ADGRG4: variants seen among roughly 807,000 people sequenced by gnomAD.
The protein encoded by ADGRG4 is adhesion G protein-coupled receptor G4, also known as G protein-coupled receptor 112.
Under a neutral mutation model 126.2 loss-of-function variants are expected in ADGRG4, and 122 were observed. The observed-to-expected ratio is 0.97, with a 90% confidence interval of 0.83 to 1.12. ADGRG4 has a LOEUF of 1.12. Ranked by LOEUF, ADGRG4 falls within the 50% of genes most tolerant of loss-of-function variation. The probability of loss-of-function intolerance (pLI) is 0.00; values close to 1 mark genes in which losing one functional copy is unlikely to be tolerated. For missense variants in ADGRG4, 2,481 were observed against 2,251.8 expected (o/e 1.10, Z -2.06); for synonymous variants, 943 against 838.7 (o/e 1.12, Z -2.15).
chrX:136,329,202 C>T (rs2074893372), intron 5 of ADGRG4, among the ~76,000 whole-genome samples: 1 of 111,557 alleles, frequency 9.0e-6, no homozygotes, highest in Non-Finnish European at 1.9e-5. Context: ...GAAAGAAAAA[C>T]CAGATGTGAC....
chrX:136,349,208 A>T lies in ADGRG4; in HGVS notation c.5502A>T (p.Thr1834=). The T allele has an allele frequency of 8.3e-7, 1 of 1,206,332 alleles. No homozygotes were observed. The change falls in exon 6 of 26, where the codon ACA becomes ACT. Residue 1834 remains threonine (T), a synonymous_variant. Coordinates refer to ENST00000394143, the MANE Select transcript of ADGRG4 (RefSeq NM_153834.4). ...TPSSATLPSL[T]SFVYSPHSTE... Reference sequence around the variant, plus strand: ...CCAGTGCAACTCTACCCTCTTTGACATCATTTGTTTATTCACCTCATAGTA... The same window carrying T: ...CCAGTGCAACTCTACCCTCTTTGACTTCATTTGTTTATTCACCTCATAGTA...
chrX:136,321,147 G>A (rs1439792084), intron 4 of ADGRG4, among the ~76,000 whole-genome samples: 1 of 111,786 alleles, frequency 8.9e-6, no homozygotes, highest in Non-Finnish European at 1.9e-5. Flanking sequence ...TTATTGTCTT[G>A]TGGGATTAAC....
chrX:136,382,807 C>A (rs1275929191), intron 15 of ADGRG4, among the ~76,000 whole-genome samples: 1 of 110,536 alleles, frequency 9.0e-6, no homozygotes, highest in Non-Finnish European at 1.9e-5. Context: ...TAGGAGGAAC[C>A]CAAAGTGTCC....
intron 19 of ADGRG4, among the ~76,000 whole-genome samples, chrX:136,397,385 A>G (rs1030031451): frequency 2.7e-5 from 3 of 109,873 alleles, no homozygotes; most frequent in Non-Finnish European, 5.7e-5. Flanking sequence ...TTTACATGTC[A>G]TTTCAGATCT....
chrX:136,348,504 A>G lies in ADGRG4; in HGVS notation c.4798A>G (p.Thr1600Ala). The change falls in exon 6 of 26, where the codon ACT (threonine) becomes GCT (alanine). Residue 1600 changes from threonine (T) to alanine (A), a missense_variant. Physicochemically the swap from Thr to Ala is moderately conservative, Grantham distance 58 (BLOSUM62 0). Transcript: ENST00000394143. ...ATTGTCTTCAGTTACCCCCAGGACT[A>G]CTATGACCATGCAAACATCTACATT... is the stretch of plus-strand genomic sequence containing the variant. ...TLLSSVTPRT[T>A]MTMQTSTLDV... 1 of 1,209,503 alleles carries G rather than the reference A, an allele frequency of 8.3e-7. No individual in the cohort carries two copies. Among genetic ancestry groups the G allele is most frequent in the Non-Finnish European group, 1.1e-6 (1 of 893,724 alleles).
rs369619771 is a variant in ADGRG4 at position 136,414,371 on chromosome X, T to C, written c.9205+44T>C. On this transcript the variant is annotated intron_variant, in intron 25 of 25. Coordinates refer to ENST00000394143, the MANE Select transcript of ADGRG4 (RefSeq NM_153834.4). ...GTTGTCTACATTTATATTCCAGAGA[T>C]ATTGAATTAATGTGAGACCACATAC... is the stretch of plus-strand genomic sequence containing the variant. 1.3e-5 allele frequency: 14 copies of C among 1,058,913 alleles called. No individual in the cohort carries two copies. The African/African-American group carries it at 1.9e-4, about 14-fold the overall frequency. 87.3% of individuals were successfully genotyped at this position (1,058,913 alleles called of 1,213,427 possible). A position where few individuals can be genotyped will look rare whatever the true frequency, so the allele number is the denominator to read the frequency against.
chrX:136,348,330 A>G lies in ADGRG4; in HGVS notation c.4624A>G (p.Thr1542Ala). The G allele has an allele frequency of 8.3e-7, 1 of 1,209,858 alleles. No homozygotes were observed. The highest frequency in any genetic ancestry group is 1.1e-6 in the Non-Finnish European group (1 of 894,277). Residue 1542 changes from threonine (T) to alanine (A), a missense_variant, in exon 6 of 26, where the codon ACA (threonine) becomes GCA (alanine). By Grantham distance (58) the Thr-to-Ala change is moderately conservative. Transcript: ENST00000394143. Reference sequence around the variant, plus strand: ...AATAGTGATAACTAAATCTTCTAAAACAATGCATCCAGGTTGTTTGAAAAG... The same window carrying G: ...AATAGTGATAACTAAATCTTCTAAAGCAATGCATCCAGGTTGTTTGAAAAG... ...PPIVITKSSK[T>A]MHPGCLKSPC...
At chrX:136,305,515 AC>A (rs1260637042) in intron 3 of ADGRG4, among the ~76,000 whole-genome samples, 2 of 112,199 alleles carry the variant, frequency 1.8e-5, no homozygotes, top group African/African-American at 6.5e-5. Flanking sequence ...GGCTGTAATG[AC>A]ACCTTCTGGG....
chrX:136,333,998 A>C (rs1005699624), intron 5 of ADGRG4, among the ~76,000 whole-genome samples: 1 of 111,526 alleles, frequency 9.0e-6, no homozygotes, highest in Non-Finnish European at 1.9e-5. Context: ...ATAGCTTTGT[A>C]CTTTACATTT....
chrX:136,391,699 C>T (rs1177043732), intron 16 of ADGRG4, among the ~76,000 whole-genome samples: 2 of 112,388 alleles, frequency 1.8e-5, no homozygotes, highest in Admixed American at 9.4e-5. Context: ...GCTCTGGCCT[C>T]AGAGCTCACA....
intron 21 of ADGRG4, 30 bp downstream of exon 21, chrX:136,400,146 T>G: frequency 1.9e-6 from 2 of 1,078,468 alleles, no homozygotes; most frequent in East Asian, 6.0e-5. Flanking sequence ...TTTTTGATAT[T>G]TATGTCTTAA....
At chrX:136,365,111 GT>G (rs1306273919) in intron 13 of ADGRG4, among the ~76,000 whole-genome samples, 1 of 112,035 alleles carries the variant, frequency 8.9e-6, no homozygotes, top group Non-Finnish European at 1.9e-5. Context: ...TCTCAATGTA[GT>G]TTACAAACTT....
chrX:136,397,763 A>G, intron 19 of ADGRG4, 118 bp from the exon 20 acceptor site: 1 of 689,339 alleles, frequency 1.5e-6, no homozygotes, highest in African/African-American at 2.1e-5. Context: ...CTGGTTTTAG[A>G]AGAGCTATGG....
chrX:136,315,145 G>C (rs1454425352), intron 4 of ADGRG4, among the ~76,000 whole-genome samples: 1 of 110,213 alleles, frequency 9.1e-6, no homozygotes, highest in Non-Finnish European at 1.9e-5. Flanking sequence ...GGATTAGCCT[G>C]GTTACAAGAC....
intron 11 of ADGRG4, among the ~76,000 whole-genome samples, chrX:136,359,848 A>G (rs1227653444): frequency 8.9e-6 from 1 of 112,033 alleles, no homozygotes; most frequent in African/African-American, 3.2e-5. Context: ...GCAAGTGATC[A>G]GGGAACTGTC....
chrX:136,393,051 C>T lies in ADGRG4; in HGVS notation c.8035-484C>T, dbSNP rs1040974573. ...TGGGCTACAGCACTTCAATTATCCC[C>T]GGTAACTAATTGCTCCTTGCCTGCA... On this transcript the variant is annotated intron_variant, in intron 17 of 25. Transcript: ENST00000394143. Among the ~76,000 whole-genome samples the T allele has an allele frequency of 6.3e-5, 7 of 111,990 alleles. No individual in the cohort carries two copies. In the South Asian group the frequency reaches 1.9e-3, roughly 30 times the overall value.
chrX:136,349,588 T>C lies in ADGRG4; in HGVS notation c.5882T>C (p.Leu1961Ser). The part of the protein sequence containing the change: ...LSENPSLSTS[L>S]RAITSTLADV... ...GAGAACCCTTCATTATCAACATCTT[T>C]AAGAGCTATCACTTCCACATTGGCT... The change falls in exon 6 of 26, where the codon TTA becomes TCA. Residue 1961 changes from leucine (L) to serine (S), a missense_variant. Transcript: ENST00000394143. The C allele has an allele frequency of 8.3e-7, 1 of 1,210,174 alleles. No individual in the cohort carries two copies. Among genetic ancestry groups the C allele is most frequent in the Non-Finnish European group, 1.1e-6 (1 of 894,465 alleles).
chrX:136,336,368 T>C (rs1157064948), intron 5 of ADGRG4, among the ~76,000 whole-genome samples: 1 of 111,759 alleles, frequency 8.9e-6, no homozygotes, highest in Non-Finnish European at 1.9e-5. Context: ...AGTCTGTTGA[T>C]TGTGTTGTTC....
At chrX:136,376,292 G>A (rs1046392508) in intron 15 of ADGRG4, among the ~76,000 whole-genome samples, 5 of 112,076 alleles carry the variant, frequency 4.5e-5, no homozygotes, top group Non-Finnish European at 7.5e-5. Flanking sequence ...TGCTGTTTTG[G>A]TAACTATAGC....
Sources: allele counts gnomAD v4.1 joint callset (sites outside exome capture counted in the v4.1 genomes callset), GRCh38; gene constraint gnomAD v4.1.1; transcripts MANE v1.5; gene names NCBI Gene and HGNC (gene_info 2026-07-23, HGNC 2026-07-21).